The following WDR41 variants were observed in gnomAD, a reference collection of about 807,000 sequenced individuals.
The protein encoded by WDR41 is WD repeat-containing protein 41.
Under a neutral mutation model 69.3 loss-of-function variants are expected in WDR41, and 63 were observed. The observed-to-expected ratio is 0.91, with a 90% CI of 0.74 to 1.12. WDR41 has a LOEUF of 1.12. Among genes scored for constraint, WDR41 ranks in the 50% most tolerant of loss-of-function variants. The pLI, the probability that WDR41 is intolerant of heterozygous loss-of-function variation, is 0.00. For missense variants in WDR41, 543 were observed against 534.5 expected (o/e 1.02, Z -0.16); for synonymous variants, 185 against 192.1 (o/e 0.96, Z 0.31).
chr5:77,610,146 A>G (rs1251721052), intron 1 of WDR41, among the ~76,000 whole-genome samples: 2 of 152,214 alleles, frequency 1.3e-5, no homozygotes, highest in Non-Finnish European at 2.9e-5. Flanking sequence ...TCCAAGAAAT[A>G]TGGGACTATG....
intron 1 of WDR41, among the ~76,000 whole-genome samples, chr5:77,619,265 A>G (rs1744732600): frequency 6.6e-6 from 1 of 152,184 alleles, no homozygotes; most frequent in Non-Finnish European, 1.5e-5. Flanking sequence ...TTCCAGGATC[A>G]TTTATTCAAC....
intron 1 of WDR41, among the ~76,000 whole-genome samples, chr5:77,559,956 T>C (rs1428125929): frequency 1.3e-5 from 2 of 151,916 alleles, no homozygotes; most frequent in Non-Finnish European, 2.9e-5. Context: ...TCCCAATCTA[T>C]CTAGTCAGTG....
intron 2 of WDR41, among the ~76,000 whole-genome samples, chr5:77,487,310 G>T (rs558696020): frequency 6.6e-6 from 1 of 152,058 alleles, no homozygotes; most frequent in Non-Finnish European, 1.5e-5. Context: ...AAAATATAGC[G>T]CAAGAAAACT....
At chr5:77,477,140 T>A (rs1800979009) in intron 2 of WDR41, among the ~76,000 whole-genome samples, 1 of 147,606 alleles carries the variant, frequency 6.8e-6, no homozygotes, top group Non-Finnish European at 1.5e-5. Flanking sequence ...TAAATATATA[T>A]GCACCCAATA....
intron 2 of WDR41, among the ~76,000 whole-genome samples, chr5:77,469,256 G>A (rs146514181): frequency 2.4e-4 from 36 of 152,228 alleles, no homozygotes; most frequent in Middle Eastern, 3.4e-3. Context: ...GTGGGGGTAG[G>A]GGGGAGGGAT....
At chr5:77,478,884 C>T (rs1369334863) in intron 2 of WDR41, among the ~76,000 whole-genome samples, 132 of 151,960 alleles carry the variant, frequency 8.7e-4, no homozygotes, top group African/African-American at 2.6e-3. Flanking sequence ...GGAAGTCAAA[C>T]TGTCCCTGTT....
chr5:77,475,956 C>T (rs930996183), intron 2 of WDR41, among the ~76,000 whole-genome samples: 6 of 152,036 alleles, frequency 3.9e-5, no homozygotes, highest in South Asian at 2.1e-4. Flanking sequence ...ACTAGAATAA[C>T]CAATACAGAG....
chr5:77,537,795 TG>T (rs1243178456), intron 1 of WDR41, among the ~76,000 whole-genome samples: 2 of 152,188 alleles, frequency 1.3e-5, no homozygotes, highest in Non-Finnish European at 2.9e-5. Flanking sequence ...TAATACACAC[TG>T]CTTCCAGCAT....
chr5:77,489,373 G>C, intron 2 of WDR41, 84 bp downstream of exon 2: 1 of 717,852 alleles, frequency 1.4e-6, no homozygotes, highest in Non-Finnish European at 2.2e-6. Context: ...TAGAAAAGAT[G>C]TATTAATTTT....
chr5:77,465,303 A>AT (rs1800255483), intron 2 of WDR41, among the ~76,000 whole-genome samples: 1 of 152,076 alleles, frequency 6.6e-6, no homozygotes, highest in African/African-American at 2.4e-5. Flanking sequence ...GGTTTGGAAG[A>AT]TTTGAGGATT....
intron 1 of WDR41, among the ~76,000 whole-genome samples, chr5:77,509,025 G>A (rs78480693): frequency 0.018 from 2,813 of 152,288 alleles, 64 homozygotes; most frequent in African/African-American, 0.055. Flanking sequence ...TTCAGGCAGG[G>A]ATAGTTTTTG....
intron 1 of WDR41, among the ~76,000 whole-genome samples, chr5:77,593,651 T>C (rs543367856): frequency 2.6e-5 from 4 of 152,298 alleles, no homozygotes; most frequent in Admixed American, 2.6e-4. Flanking sequence ...GGTGCTAGTT[T>C]ATAAAAATAT....
intron 1 of WDR41, among the ~76,000 whole-genome samples, chr5:77,561,864 G>A (rs780419764): frequency 7.9e-5 from 12 of 152,080 alleles, no homozygotes; most frequent in Non-Finnish European, 1.6e-4. Flanking sequence ...AATCCTGATT[G>A]CAGTAACAAT....
intron 1 of WDR41, among the ~76,000 whole-genome samples, chr5:77,529,636 A>G (rs1802497370): frequency 6.6e-6 from 1 of 151,586 alleles, no homozygotes; most frequent in Non-Finnish European, 1.5e-5. Flanking sequence ...AAACCTACAG[A>G]ATTAAGTCAA....
At chr5:77,565,755 A>G (rs1344390331) in intron 1 of WDR41, among the ~76,000 whole-genome samples, 2 of 151,922 alleles carry the variant, frequency 1.3e-5, no homozygotes, top group Admixed American at 6.6e-5. Flanking sequence ...TCTGCCTCCT[A>G]TTGTGATTTA....
At chr5:77,549,713 C>T (rs1231415473) in intron 1 of WDR41, among the ~76,000 whole-genome samples, 8 of 152,072 alleles carry the variant, frequency 5.3e-5, no homozygotes, top group African/African-American at 1.9e-4. Context: ...TCTATAAATT[C>T]AACACTATTC....
intron 4 of WDR41, among the ~76,000 whole-genome samples, chr5:77,459,461 A>G (rs1799954382): frequency 6.6e-6 from 1 of 152,156 alleles, no homozygotes. Context: ...ACCATAATCT[A>G]ATAAGCATAA....
At chr5:77,442,937 T>C (rs1472304180) in intron 8 of WDR41, among the ~76,000 whole-genome samples, 1 of 134,544 alleles carries the variant, frequency 7.4e-6, no homozygotes, top group African/African-American at 3.1e-5. Flanking sequence ...TTTTACATAT[T>C]ATTTATTTTA....
intron 1 of WDR41, among the ~76,000 whole-genome samples, chr5:77,576,317 C>T (rs1743831515): frequency 6.6e-6 from 1 of 152,016 alleles, no homozygotes. Flanking sequence ...CTCAACCTGA[C>T]ACCCCTTCTA....
Sources: gnomAD v4.1 joint callset for allele counts (sites outside exome capture counted in the v4.1 genomes callset) on GRCh38, gnomAD v4.1.1 for gene constraint, MANE v1.5 for transcripts, NCBI Gene and HGNC (gene_info 2026-07-23, HGNC 2026-07-21) for gene names.